The following C8orf34 variants were observed in gnomAD, a reference collection of about 807,000 sequenced individuals.
C8orf34 encodes the protein chromosome 8 open reading frame 34.
C8orf34 carries 65 observed loss-of-function variants against 68.3 expected under a neutral mutation model. The ratio of observed to expected loss-of-function variants is 0.95; its 90% confidence interval spans 0.78 to 1.17. C8orf34 has a LOEUF of 1.17. Ranked by LOEUF, C8orf34 falls within the 50% of genes most tolerant of loss-of-function variation. The pLI, the probability that C8orf34 is intolerant of heterozygous loss-of-function variation, is 0.00. For missense variants in C8orf34, 664 were observed against 655.4 expected, an observed-to-expected ratio of 1.01 and a Z score of -0.14; for synonymous variants, 244 against 241.2, an observed-to-expected ratio of 1.01 and a Z score of -0.11.
At chr8:68,471,768 G>A (rs945153101) in intron 4 of C8orf34, among the ~76,000 whole-genome samples, 2 of 152,050 alleles carry the variant, frequency 1.3e-5, no homozygotes, top group Admixed American at 6.6e-5. Flanking sequence ...AGTCACTGAT[G>A]AGAATTCACT....
intron 1 of C8orf34, among the ~76,000 whole-genome samples, chr8:68,418,890 C>T (rs1051664676): frequency 2.7e-4 from 41 of 151,206 alleles, no homozygotes; most frequent in African/African-American, 9.0e-4. Flanking sequence ...AGAAGAAAAC[C>T]TAGGCATTAC....
At chr8:68,372,529 C>G (rs1807603811) in intron 1 of C8orf34, among the ~76,000 whole-genome samples, 1 of 152,138 alleles carries the variant, frequency 6.6e-6, no homozygotes, top group Non-Finnish European at 1.5e-5. Context: ...ATAGGAATAG[C>G]AAGCAATCAA....
At chr8:68,701,317 T>C (rs1821009305) in intron 8 of C8orf34, among the ~76,000 whole-genome samples, 2 of 152,110 alleles carry the variant, frequency 1.3e-5, no homozygotes, top group African/African-American at 2.4e-5. Context: ...TAAAGAGATC[T>C]CAATTATCTT....
chr8:68,343,649 A>G (rs1436552985), intron 1 of C8orf34, among the ~76,000 whole-genome samples: 1 of 150,202 alleles, frequency 6.7e-6, no homozygotes, highest in Admixed American at 6.6e-5. Flanking sequence ...GCTGGAGTGC[A>G]GTGGCACAAT....
chr8:68,747,065 C>A (rs1302639505), intron 10 of C8orf34, among the ~76,000 whole-genome samples: 1 of 151,058 alleles, frequency 6.6e-6, no homozygotes, highest in Non-Finnish European at 1.5e-5. Flanking sequence ...CCCTGGGATG[C>A]AAGGCTGGTT....
chr8:68,632,014 G>A (rs917760288), intron 7 of C8orf34, among the ~76,000 whole-genome samples: 37 of 152,318 alleles, frequency 2.4e-4, no homozygotes, highest in African/African-American at 8.7e-4. Flanking sequence ...TAAAAATGTG[G>A]AAGCAATTTT....
intron 8 of C8orf34, among the ~76,000 whole-genome samples, chr8:68,651,427 G>A (rs990737078): frequency 2.6e-5 from 4 of 152,114 alleles, no homozygotes; most frequent in African/African-American, 9.7e-5. Flanking sequence ...TTCATTCAGG[G>A]TAAACTCCTT....
intron 7 of C8orf34, among the ~76,000 whole-genome samples, chr8:68,611,007 G>A (rs377100389): frequency 6.6e-6 from 1 of 151,810 alleles, no homozygotes; most frequent in South Asian, 2.1e-4. Flanking sequence ...TGGTAATATA[G>A]GCATGTGCCA....
chr8:68,586,101 T>C (rs1817202714), intron 7 of C8orf34, among the ~76,000 whole-genome samples: 1 of 152,006 alleles, frequency 6.6e-6, no homozygotes, highest in South Asian at 2.1e-4. Flanking sequence ...TATATATATG[T>C]AAAAATGAGC....
At position 68,439,553 on chromosome 8, in the gene C8orf34, A is replaced by G. The variant is rs760620872; in HGVS notation, c.382A>G (p.Ile128Val). The change falls in exon 2 of 14, where the codon ATT (isoleucine) becomes GTT (valine). Residue 128 changes from isoleucine (I) to valine (V), a missense_variant. Ile to Val is a conservative substitution (Grantham distance 29). Coordinates refer to ENST00000518698, the MANE Select transcript of C8orf34 (RefSeq NM_052958.4). The stretch of plus-strand genomic sequence containing the variant: ...ACCTGACCAGCCAATCCCATTTCTC[A>G]TTGACCATCTTCAGTCTAAACAAGG... ...ETPDQPIPFL[I>V]DHLQSKQGNR... 24 of 1,613,668 alleles carry G rather than the reference A, an allele frequency of 1.5e-5. No homozygotes were observed. The highest frequency in any genetic ancestry group is 1.9e-5 in the Non-Finnish European group (23 of 1,179,784).
At chr8:68,576,258 G>T (rs1197880375) in intron 7 of C8orf34, among the ~76,000 whole-genome samples, 1 of 148,150 alleles carries the variant, frequency 6.7e-6, no homozygotes, top group African/African-American at 2.6e-5. Flanking sequence ...TAATTATGTA[G>T]ATGTATTTTA....
At chr8:68,547,429 T>TTGGTAAATCAATCA in intron 7 of C8orf34, among the ~76,000 whole-genome samples, 1 of 151,884 alleles carries the variant, frequency 6.6e-6, no homozygotes, top group East Asian at 1.9e-4. Flanking sequence ...TCACATGATT[T>TTGGTAAATCAATCA]CATTGGTAAA....
chr8:68,388,790 T>C (rs1282168440), intron 1 of C8orf34, among the ~76,000 whole-genome samples: 2 of 152,120 alleles, frequency 1.3e-5, no homozygotes, highest in Non-Finnish European at 2.9e-5. Context: ...TTTAAGACTA[T>C]TTAGAGTAGT....
At chr8:68,331,452 AC>A in intron 1 of C8orf34, 113 bp downstream of exon 1, 1 of 1,212,832 alleles carries the variant, frequency 8.2e-7, no homozygotes. Context: ...TAGAGAACCA[AC>A]GCGCGGGAGA....
intron 1 of C8orf34, among the ~76,000 whole-genome samples, chr8:68,388,047 G>C (rs1179148232): frequency 6.6e-6 from 1 of 152,098 alleles, no homozygotes; most frequent in Non-Finnish European, 1.5e-5. Context: ...GCCTTCTGTT[G>C]TTGGTGGTAA....
chr8:68,490,167 G>A (rs946422616), intron 5 of C8orf34, among the ~76,000 whole-genome samples: 6 of 152,026 alleles, frequency 3.9e-5, no homozygotes, highest in Non-Finnish European at 7.4e-5. Context: ...TCCTCCTCTT[G>A]CAGTTATGGT....
rs554654285 is a variant in C8orf34 at position 68,733,347 on chromosome 8, G to T, written c.1404+11910G>T. Among the ~76,000 whole-genome samples the T allele has an allele frequency of 1.6e-4, 25 of 152,264 alleles. No homozygotes were observed. The South Asian group carries it at 5.0e-3, about 30-fold the overall frequency. On this transcript the variant is annotated intron_variant, in intron 10 of 13. Coordinates refer to ENST00000518698, the MANE Select transcript of C8orf34 (RefSeq NM_052958.4). ...TTTGTAAGCCTGGGGAGCCAGGATT[G>T]TACCTACTCCACGTTCGCCAAATGT...
intron 1 of C8orf34, among the ~76,000 whole-genome samples, chr8:68,392,861 A>G (rs1808530840): frequency 6.6e-6 from 1 of 152,146 alleles, no homozygotes; most frequent in Non-Finnish European, 1.5e-5. Context: ...AATAAAGGCT[A>G]TGTTTTGGAA....
intron 1 of C8orf34, among the ~76,000 whole-genome samples, chr8:68,414,396 G>C (rs1428202058): frequency 6.6e-6 from 1 of 152,164 alleles, no homozygotes; most frequent in Non-Finnish European, 1.5e-5. Flanking sequence ...GCTATCTGTA[G>C]AGTGTACAGC....
Sources: allele counts gnomAD v4.1 joint callset (sites outside exome capture counted in the v4.1 genomes callset), GRCh38; gene constraint gnomAD v4.1.1; transcripts MANE v1.5; gene names NCBI Gene and HGNC (gene_info 2026-07-23, HGNC 2026-07-21).